The following SLC52A1 variants were observed in gnomAD, a reference collection of about 807,000 sequenced individuals.
The protein encoded by SLC52A1 is solute carrier family 52 member 1.
In SLC52A1, 20 loss-of-function variants were observed where a neutral mutation model predicts 23.2. The observed-to-expected ratio is 0.86, with a 90% confidence interval of 0.61 to 1.25. The LOEUF is 1.25. Ranked by LOEUF, SLC52A1 falls within the 50% of genes most tolerant of loss-of-function variation. The pLI is 0.00. For synonymous variants in SLC52A1, 260 were observed against 256.6 expected (o/e 1.01, Z -0.13); for missense variants, 528 against 557.0 (o/e 0.95, Z 0.52).
chr17:5,040,799 C>CTT (rs373726723), intron 1 of SLC52A1, among the ~76,000 whole-genome samples: 28 of 144,186 alleles, frequency 1.9e-4, no homozygotes, highest in Non-Finnish European at 3.7e-4. Context: ...CCGAATAGCA[C>CTT]TTTTTTTTTT....
chr17:5,038,048 A>C (rs1975497101), upstream of SLC52A1, among the ~76,000 whole-genome samples: 2 of 151,030 alleles, frequency 1.3e-5, no homozygotes, highest in African/African-American at 2.4e-5. Context: ...CCTCCCGAGT[A>C]GCTGGGACTA....
At chr17:5,035,672 G>A (rs1347203783), upstream of SLC52A1, among the ~76,000 whole-genome samples, 1 of 152,168 alleles carries the variant, frequency 6.6e-6, no homozygotes, top group Non-Finnish European at 1.5e-5. Flanking sequence ...ACACAGCTGG[G>A]GTTTTGTTGT....
upstream of SLC52A1, among the ~76,000 whole-genome samples, chr17:5,038,925 A>G (rs1015839843): frequency 1.3e-5 from 2 of 152,220 alleles, no homozygotes; most frequent in African/African-American, 4.8e-5. Context: ...AGGTACTGGC[A>G]TAAATATTTA....
At position 5,033,586 on chromosome 17, in the gene SLC52A1, C is replaced by A. The variant is rs1478469027; in HGVS notation, c.903G>T (p.Gln301His). ...GCCCATAGGGCAAACAGGAAAAGCT[C>A]TGCACAGAAGGCAGCACGCCATTGG... is the stretch of plus-strand genomic sequence containing the variant. ...AVTNGVLPSV[Q>H]SFSCLPYGRL... The change falls in exon 3 of 5, where the codon CAG becomes CAT. Residue 301 changes from glutamine to histidine, a missense_variant. By Grantham distance (24) the Gln-to-His change is conservative. Transcript: ENST00000254853. The A allele has an allele frequency of 6.2e-7, 1 of 1,613,998 alleles. No individual in the cohort carries two copies. The highest frequency in any genetic ancestry group is 1.1e-5 in the South Asian group (1 of 91,086).
At position 5,033,587 on chromosome 17, in the gene SLC52A1, T is replaced by C. The variant is rs1168427447; in HGVS notation, c.902A>G (p.Gln301Arg). Residue 301 changes from glutamine (Q) to arginine (R), a missense_variant, in exon 3 of 5, where the codon CAG becomes CGG. By Grantham distance (43) the Gln-to-Arg change is conservative. Coordinates refer to ENST00000254853, the MANE Select transcript of SLC52A1 (RefSeq NM_017986.4). ...AVTNGVLPSV[Q>R]SFSCLPYGRL... ...CCCATAGGGCAAACAGGAAAAGCTC[T>C]GCACAGAAGGCAGCACGCCATTGGT... 1 of 1,613,956 alleles carries C rather than the reference T, an allele frequency of 6.2e-7. No homozygotes were observed. Among genetic ancestry groups the C allele is most frequent in the East Asian group, 2.2e-5 (1 of 44,876 alleles).
chr17:5,041,446 C>T (rs535480697), intron 1 of SLC52A1, among the ~76,000 whole-genome samples: 3 of 151,530 alleles, frequency 2.0e-5, no homozygotes, highest in East Asian at 3.9e-4. Context: ...CCATGCCCAG[C>T]GAATTTTTTT....
upstream of SLC52A1, among the ~76,000 whole-genome samples, chr17:5,037,191 T>C (rs1257194716): frequency 6.6e-6 from 1 of 152,090 alleles, no homozygotes; most frequent in Admixed American, 6.6e-5. Context: ...AGAATCGTAT[T>C]TCCTAACCCG....
At chr17:5,042,129 C>G (rs1436957999) in intron 1 of SLC52A1, among the ~76,000 whole-genome samples, 1 of 152,182 alleles carries the variant, frequency 6.6e-6, no homozygotes, top group Non-Finnish European at 1.5e-5. Context: ...CTGAAGACCT[C>G]ACTGCAGCAT....
Position 5,033,535 on chromosome 17 carries a change from C to G in SLC52A1, c.954G>C (p.Val318=), listed in dbSNP as rs1307780240. 1.9e-6 allele frequency: 3 copies of G among 1,613,512 alleles called. No individual in the cohort carries two copies. In the African/African-American group the frequency reaches 4.0e-5, roughly 22 times the overall value. The change falls in exon 3 of 5, where the codon GTG becomes GTC. Residue 318 remains valine (V), a synonymous_variant. Transcript: ENST00000254853. ...CAAGGGGGTTGGCGGCACTGCCCAGCACCACAGCCAGGTGGTAGGCCAGGC... is the reference window on the plus strand; with the variant it reads ...CAAGGGGGTTGGCGGCACTGCCCAGGACCACAGCCAGGTGGTAGGCCAGGC... The part of the protein sequence containing the change: ...YGRLAYHLAV[V]LGSAANPLAC...
At position 5,034,681 on chromosome 17, in the gene SLC52A1, C is replaced by CTT. The variant is rs1210784456; in HGVS notation, c.-77_-76dup. 1 of 1,576,128 alleles carries CTT rather than the reference C, an allele frequency of 6.3e-7. No individual in the cohort carries two copies. Among genetic ancestry groups the CTT allele is most frequent in the Non-Finnish European group, 8.6e-7 (1 of 1,161,926 alleles). ...CCTTCCCTAGGTAGGTCCAAAGATG[C>CTT]TTTGGTTCTTCTGGAAACTGAAGAC... On this transcript the variant is annotated 5_prime_UTR_variant, in exon 2 of 5. Transcript: ENST00000254853.
rs765056175 is a variant in SLC52A1, at chr17:5,034,338, G to C, written c.151C>G (p.Leu51Val). ...TTTCCCAGCGCCACAACCACAGAGAGGTATGAGGGGAGGCTCCAACCTGCA... is the reference window on the plus strand; with the variant it reads ...TTTCCCAGCGCCACAACCACAGAGACGTATGAGGGGAGGCTCCAACCTGCA... ...LPEGWSLPSY[L>V]SVVVALGNLG... Residue 51 changes from leucine (L) to valine (V), a missense_variant, in exon 3 of 5, where the codon CTC becomes GTC. Coordinates refer to ENST00000254853, the MANE Select transcript of SLC52A1 (RefSeq NM_017986.4). 1 of 1,583,342 alleles carries C rather than the reference G, an allele frequency of 6.3e-7. No individual in the cohort carries two copies.
In SLC52A1 at chr17:5,033,628, G is replaced by A; in HGVS notation, c.861C>T (p.Ala287=). The A allele has an allele frequency of 1.2e-6, 2 of 1,614,044 alleles. No homozygotes were observed. Among genetic ancestry groups the A allele is most frequent in the Non-Finnish European group, 1.7e-6 (2 of 1,180,018 alleles). ...CGCCATTGGTCACGGCACTGGTGAA[G>A]GCCATCAGGCCCAGCAGGAAGGCAC... ...AHGAFLLGLM[A]FTSAVTNGVL... is the part of the protein sequence containing the mutation. The change falls in exon 3 of 5, where the codon GCC becomes GCT. Residue 287 remains alanine (A), a synonymous_variant. Coordinates refer to ENST00000254853, the MANE Select transcript of SLC52A1 (RefSeq NM_017986.4).
Position 5,032,607 on chromosome 17 carries a change from A to G in SLC52A1, c.*350T>C, listed in dbSNP as rs1262244833. 9.9e-6 allele frequency: 2 copies of G among 201,458 alleles called. No individual in the cohort carries two copies. The highest frequency in any genetic ancestry group is 4.7e-5 in the African/African-American group (2 of 42,892). 12.5% of individuals were successfully genotyped at this position (201,458 alleles called of 1,614,324 possible). On this transcript the variant is annotated 3_prime_UTR_variant, in exon 5 of 5. Coordinates refer to ENST00000254853, the MANE Select transcript of SLC52A1 (RefSeq NM_017986.4). Reference sequence around the variant, plus strand: ...TAATTGCACACTAGATAATATATGTATGAAAAATTATTTAATCCAGTTTCC... The same window carrying G: ...TAATTGCACACTAGATAATATATGTGTGAAAAATTATTTAATCCAGTTTCC...
In SLC52A1 at chr17:5,033,314, T is replaced by C. The variant is rs753878810; in HGVS notation, c.1081A>G (p.Ile361Val). The C allele has an allele frequency of 5.6e-6, 9 of 1,613,970 alleles. No individual in the cohort carries two copies. The South Asian group carries it at 8.8e-5, about 16-fold the overall frequency. Residue 361 changes from isoleucine to valine, a missense_variant, in exon 4 of 5, where the codon ATC (isoleucine) becomes GTC (valine). Physicochemically the swap from Ile to Val is conservative, Grantham distance 29. Transcript: ENST00000254853. ...LFGAYLMALAILSPCPPLVGT... is the reference protein window; with the variant it reads ...LFGAYLMALAVLSPCPPLVGT... ...ACCAGGGGTGGGCAGGGGCTCAGGA[T>C]TGCCAGTGCCATCAGGTAGGCCCCA...
intron 1 of SLC52A1, among the ~76,000 whole-genome samples, chr17:5,041,666 A>G (rs1332037634): frequency 1.3e-5 from 2 of 151,964 alleles, no homozygotes; most frequent in East Asian, 3.9e-4. Flanking sequence ...TTTAGTAAAG[A>G]CAAGATTTTA....
chr17:5,041,810 T>C (rs527987105), intron 1 of SLC52A1, among the ~76,000 whole-genome samples: 1 of 151,820 alleles, frequency 6.6e-6, no homozygotes, highest in East Asian at 1.9e-4. Context: ...ATGGGTTTCA[T>C]TATGTTGGTC....
Position 5,032,703 on chromosome 17 carries a change from C to T in SLC52A1, c.*254G>A. ...TTTTGTTTTTGGTTTTAAATAAAAA[C>T]ACTTTATTGCACAAATCCCACAAAG... On this transcript the variant is annotated 3_prime_UTR_variant, in exon 5 of 5. Transcript: ENST00000254853. The T allele has an allele frequency of 2.4e-6, 1 of 410,434 alleles. No individual in the cohort carries two copies. The highest frequency in any genetic ancestry group is 4.4e-6 in the Non-Finnish European group (1 of 229,226). 25.4% of individuals were successfully genotyped at this position (410,434 alleles called of 1,614,324 possible).
upstream of SLC52A1, among the ~76,000 whole-genome samples, chr17:5,039,661 G>A (rs1975521892): frequency 1.3e-5 from 2 of 152,060 alleles, no homozygotes; most frequent in African/African-American, 4.8e-5. Context: ...TAGTAAAGAT[G>A]GGGTTTCACC....
Position 5,034,544 on chromosome 17 carries a change from C to T in SLC52A1, c.63G>A (p.Met21Ile), listed in dbSNP as rs1341817796. 2.5e-6 allele frequency: 4 copies of T among 1,614,204 alleles called. No individual in the cohort carries two copies. The Admixed American group carries it at 5.0e-5, about 20-fold the overall frequency. Residue 21 changes from methionine to isoleucine, a missense_variant, in exon 2 of 5, where the codon ATG becomes ATA. Physicochemically the swap from Met to Ile is conservative, Grantham distance 10 (BLOSUM62 1). Transcript: ENST00000254853. ...TCCCGTTCACAGCAGCCCAGGAGCC[C>T]ATGCCAAAAAGGGCCACCAGCAGGT... ...LTHLLVALFGMGSWAAVNGIW... is the reference protein window; with the variant it reads ...LTHLLVALFGIGSWAAVNGIW...
Sources: gnomAD v4.1 joint callset for allele counts (sites outside exome capture counted in the v4.1 genomes callset) on GRCh38, gnomAD v4.1.1 for gene constraint, MANE v1.5 for transcripts, NCBI Gene and HGNC (gene_info 2026-07-23, HGNC 2026-07-21) for gene names.